PKP4: variants seen among roughly 807,000 people sequenced by gnomAD.
PKP4 encodes the protein plakophilin 4, also known as plakophilin-4.
A neutral mutation model predicts 145.1 loss-of-function variants in PKP4; 90 were observed. The ratio of observed to expected loss-of-function variants is 0.62; its 90% CI spans 0.52 to 0.74. PKP4 has a LOEUF of 0.74. PKP4 is among the 30% of genes least tolerant of loss of function. PKP4 has a pLI of 0.00. For synonymous variants in PKP4, 563 were observed against 577.2 expected (o/e 0.98, Z 0.35); for missense variants, 1,340 against 1,482.7 (o/e 0.90, Z 1.58).
At chr2:158,490,394 G>GA (rs143443830) in intron 1 of PKP4, among the ~76,000 whole-genome samples, 1 of 148,208 alleles carries the variant, frequency 6.7e-6, no homozygotes, top group African/African-American at 2.5e-5. Context: ...ATATTTACAA[G>GA]AAAAAAAATA....
intron 1 of PKP4, among the ~76,000 whole-genome samples, chr2:158,478,295 C>T (rs1240815329): frequency 2.0e-5 from 3 of 151,740 alleles, no homozygotes; most frequent in African/African-American, 7.3e-5. Flanking sequence ...TGTTTTGTTT[C>T]TCCCATTCAG....
intron 1 of PKP4, among the ~76,000 whole-genome samples, chr2:158,500,866 G>T (rs555311308): frequency 6.6e-6 from 1 of 152,260 alleles, no homozygotes; most frequent in African/African-American, 2.4e-5. Flanking sequence ...TTTGTTTTGG[G>T]CAGAATGAAT....
chr2:158,491,561 T>C (rs1694941786), intron 1 of PKP4, among the ~76,000 whole-genome samples: 1 of 152,076 alleles, frequency 6.6e-6, no homozygotes, highest in Admixed American at 6.5e-5. Flanking sequence ...TCTAATCTTA[T>C]GTTGATTTGA....
At chr2:158,462,811 T>A (rs1266028121) in intron 1 of PKP4, among the ~76,000 whole-genome samples, 1 of 152,210 alleles carries the variant, frequency 6.6e-6, no homozygotes, top group Non-Finnish European at 1.5e-5. Context: ...TTTGCTCATC[T>A]GTAGGATGGA....
At chr2:158,514,393 G>C (rs1438404099) in intron 1 of PKP4, among the ~76,000 whole-genome samples, 1 of 152,068 alleles carries the variant, frequency 6.6e-6, no homozygotes, top group Non-Finnish European at 1.5e-5. Flanking sequence ...ATTTTTTCTT[G>C]TACTTTCTTC....
At chr2:158,608,233 ATAC>A (rs764461727) in intron 4 of PKP4, among the ~76,000 whole-genome samples, 2 of 152,198 alleles carry the variant, frequency 1.3e-5, no homozygotes, top group Non-Finnish European at 2.9e-5. Context: ...AAACCCATAT[ATAC>A]TATTACGTGC....
At chr2:158,639,255 A>G (rs1477271771) in intron 9 of PKP4, among the ~76,000 whole-genome samples, 1 of 152,214 alleles carries the variant, frequency 6.6e-6, no homozygotes, top group Non-Finnish European at 1.5e-5. Context: ...ATAGAATCGT[A>G]TCTTACCAAT....
At chr2:158,537,162 C>T (rs1436120508) in intron 2 of PKP4, among the ~76,000 whole-genome samples, 11 of 152,234 alleles carry the variant, frequency 7.2e-5, no homozygotes, top group African/African-American at 2.7e-4. Context: ...GAGAGTCTCA[C>T]AGCACCTAGA....
chr2:158,593,470 C>T (rs1451139066), intron 3 of PKP4, among the ~76,000 whole-genome samples: 3 of 152,204 alleles, frequency 2.0e-5, no homozygotes, highest in African/African-American at 7.2e-5. Context: ...CTGTTTGTCT[C>T]ATTTTTGTCT....
At chr2:158,574,223 C>T (rs1442230814) in intron 2 of PKP4, among the ~76,000 whole-genome samples, 3 of 152,176 alleles carry the variant, frequency 2.0e-5, no homozygotes, top group Non-Finnish European at 4.4e-5. Context: ...GTTTGCTAGG[C>T]TCTACGAGGA....
intron 1 of PKP4, among the ~76,000 whole-genome samples, chr2:158,509,144 A>G (rs2041269795): frequency 6.6e-6 from 1 of 152,180 alleles, no homozygotes; most frequent in Non-Finnish European, 1.5e-5. Flanking sequence ...TAAACTGAGA[A>G]TACTAATTTT....
At chr2:158,619,362 A>G (rs1446072298) in intron 4 of PKP4, among the ~76,000 whole-genome samples, 1 of 152,212 alleles carries the variant, frequency 6.6e-6, no homozygotes, top group Non-Finnish European at 1.5e-5. Context: ...CAGAACTGTC[A>G]CAGAATTCTA....
intron 1 of PKP4, among the ~76,000 whole-genome samples, chr2:158,472,633 A>T (rs1046041456): frequency 6.6e-6 from 1 of 150,880 alleles, no homozygotes; most frequent in Non-Finnish European, 1.5e-5. Context: ...AAAAAAAAAA[A>T]GAATTAAAAA....
At chr2:158,665,499 T>C (rs931039896) in intron 15 of PKP4, among the ~76,000 whole-genome samples, 3 of 152,226 alleles carry the variant, frequency 2.0e-5, no homozygotes, top group African/African-American at 7.2e-5. Context: ...TACAAAGGGC[T>C]GGTAGATCTC....
intron 16 of PKP4, 75 bp from the exon 17 acceptor site, chr2:158,669,645 C>A: frequency 8.4e-7 from 1 of 1,184,938 alleles, no homozygotes; most frequent in Non-Finnish European, 1.1e-6. Flanking sequence ...AGATTGCATG[C>A]CACCAGAATC....
chr2:158,544,271 G>C (rs1486995202), intron 2 of PKP4, among the ~76,000 whole-genome samples: 2 of 152,146 alleles, frequency 1.3e-5, no homozygotes, highest in East Asian at 1.9e-4. Flanking sequence ...TTACATAGGG[G>C]CATCGTAAGA....
intron 1 of PKP4, among the ~76,000 whole-genome samples, chr2:158,508,295 G>A (rs933775690): frequency 1.5e-4 from 22 of 150,516 alleles, no homozygotes; most frequent in African/African-American, 5.4e-4. Context: ...AACCTGGAGG[G>A]GCAGAGGATG....
At chr2:158,647,752 T>C (rs1314109676) in intron 11 of PKP4, among the ~76,000 whole-genome samples, 1 of 152,186 alleles carries the variant, frequency 6.6e-6, no homozygotes, top group African/African-American at 2.4e-5. Flanking sequence ...GTGCTTAGGG[T>C]AATTTTTCTT....
At chr2:158,584,307 C>T (rs916080785) in intron 3 of PKP4, among the ~76,000 whole-genome samples, 3 of 152,152 alleles carry the variant, frequency 2.0e-5, no homozygotes, top group South Asian at 2.1e-4. Context: ...CACGTGCCAG[C>T]GGAATTCCCA....
Sources: allele counts gnomAD v4.1 joint callset (sites outside exome capture counted in the v4.1 genomes callset), GRCh38; gene constraint gnomAD v4.1.1; transcripts MANE v1.5; gene names NCBI Gene and HGNC (gene_info 2026-07-23, HGNC 2026-07-21).